The following TXNDC16 variants were observed in gnomAD, a reference collection of about 807,000 sequenced individuals.
The protein encoded by TXNDC16 is thioredoxin domain-containing protein 16.
TXNDC16 carries 74 observed loss-of-function variants against 85.6 expected under a neutral mutation model. The ratio of observed to expected loss-of-function variants is 0.86; its 90% CI spans 0.72 to 1.05. The LOEUF (loss-of-function observed/expected upper bound fraction) is 1.05, where lower values mean the gene tolerates loss of function less well. Ranked by LOEUF, TXNDC16 falls within the 50% of genes least tolerant of loss-of-function variation. TXNDC16 has a pLI of 0.00. For synonymous variants in TXNDC16, 335 were observed against 326.5 expected, an observed-to-expected ratio of 1.03 and a Z score of -0.28; for missense variants, 959 against 947.0, an observed-to-expected ratio of 1.01 and a Z score of -0.17.
chr14:52,448,573 T>C (rs2035337116), intron 18 of TXNDC16, among the ~76,000 whole-genome samples: 1 of 152,076 alleles, frequency 6.6e-6, no homozygotes, highest in Non-Finnish European at 1.5e-5. Context: ...AGGACACTAA[T>C]GAGCAATAAA....
rs764369521 is a variant in TXNDC16, at chr14:52,490,913, A to T, written c.849T>A (p.Tyr283Ter). Reference sequence around the variant, plus strand: ...ATTCTGCAGTTCTTCTATCAGCTTCATAAGTAGCCTGTTGGCTAACAATAA... The same window carrying T: ...ATTCTGCAGTTCTTCTATCAGCTTCTTAAGTAGCCTGTTGGCTAACAATAA... ...LVFIVSQQAT[Y>*]EADRRTAEWV... Residue 283 changes from tyrosine (Y) to a stop codon, truncating the protein, a stop_gained, in exon 10 of 21, where the codon TAT becomes TAA. Coordinates refer to ENST00000281741, the MANE Select transcript of TXNDC16 (RefSeq NM_020784.3). LOFTEE classifies it high-confidence loss of function. 2 of 1,613,750 alleles carry T rather than the reference A, an allele frequency of 1.2e-6. No homozygotes were observed. The highest frequency in any genetic ancestry group is 2.2e-5 in the East Asian group (1 of 44,834).
intron 9 of TXNDC16, among the ~76,000 whole-genome samples, chr14:52,503,515 G>C (rs986087509): frequency 6.6e-6 from 1 of 152,156 alleles, no homozygotes; most frequent in Non-Finnish European, 1.5e-5. Flanking sequence ...TGAGGGTCCT[G>C]ACTGTTAGAA....
At chr14:52,484,718 A>G (rs989231679) in intron 12 of TXNDC16, among the ~76,000 whole-genome samples, 4 of 152,102 alleles carry the variant, frequency 2.6e-5, no homozygotes, top group African/African-American at 9.7e-5. Flanking sequence ...CGTCTCTACT[A>G]AAAATACAAA....
intron 16 of TXNDC16, 59 bp from the exon 17 acceptor site, chr14:52,457,233 A>G (rs2140117146): frequency 1.1e-6 from 1 of 929,288 alleles, no homozygotes; most frequent in East Asian, 2.8e-5. Context: ...ATGCTATTCA[A>G]CTGATGAAGA....
At chr14:52,528,963 A>G (rs147100663) in intron 6 of TXNDC16, among the ~76,000 whole-genome samples, 1 of 147,686 alleles carries the variant, frequency 6.8e-6, no homozygotes, top group Non-Finnish European at 1.5e-5. Context: ...TATTATCTAT[A>G]TAATACCTAT....
chr14:52,444,120 C>A (rs1437873063), intron 18 of TXNDC16, among the ~76,000 whole-genome samples: 2 of 152,126 alleles, frequency 1.3e-5, no homozygotes, highest in African/African-American at 4.8e-5. Context: ...GTATAGACAA[C>A]AGTTTTGACT....
chr14:52,506,701 C>T (rs1334886050), intron 9 of TXNDC16, among the ~76,000 whole-genome samples: 8 of 143,418 alleles, frequency 5.6e-5, no homozygotes, highest in African/African-American at 7.9e-5. Context: ...GGACTACAGG[C>T]GCCCGCCACC....
chr14:52,485,991 A>G (rs2036259750), intron 12 of TXNDC16, among the ~76,000 whole-genome samples: 1 of 152,222 alleles, frequency 6.6e-6, no homozygotes, highest in Non-Finnish European at 1.5e-5. Flanking sequence ...GTGAAGCATG[A>G]GAGTTGCACT....
rs762531450 is a variant in TXNDC16, at chr14:52,432,351, T to A, written c.2431A>T (p.Lys811Ter). Residue 811 changes from lysine (K) to a stop codon, truncating the protein, a stop_gained, in exon 21 of 21, where the codon AAA becomes TAA. Coordinates refer to ENST00000281741, the MANE Select transcript of TXNDC16 (RefSeq NM_020784.3). LOFTEE classifies it high-confidence loss of function. Reference protein sequence around the residue: ...NRSNWFKEAEKSFRRDKELGC... With the variant: ...NRSNWFKEAE Reference sequence around the variant, plus strand: ...AACTCTTTATCACGTCTAAATGATTTTTCTGCTTCTTTAAACCAATTACTT... The same window carrying A: ...AACTCTTTATCACGTCTAAATGATTATTCTGCTTCTTTAAACCAATTACTT... The A allele has an allele frequency of 5.0e-6, 8 of 1,613,608 alleles. No homozygotes were observed. The East Asian group carries it at 1.8e-4, about 36-fold the overall frequency.
chr14:52,549,581 A>G (rs1594771637), intron 1 of TXNDC16, among the ~76,000 whole-genome samples: 1 of 150,266 alleles, frequency 6.7e-6, no homozygotes, highest in East Asian at 2.0e-4. Context: ...CACTAATCCC[A>G]TTTTGGTATA....
At chr14:52,460,009 C>T (rs996330412) in intron 16 of TXNDC16, among the ~76,000 whole-genome samples, 13 of 152,216 alleles carry the variant, frequency 8.5e-5, no homozygotes, top group Admixed American at 5.9e-4. Context: ...GACAAGGACA[C>T]CCTCTTTCAC....
intron 20 of TXNDC16, among the ~76,000 whole-genome samples, chr14:52,432,841 G>A (rs959000381): frequency 1.3e-5 from 2 of 151,934 alleles, no homozygotes; most frequent in African/African-American, 4.8e-5. Flanking sequence ...AGTATGAATA[G>A]GGGAAAAAAG....
chr14:52,473,898 T>TATA (rs35642068), intron 14 of TXNDC16, among the ~76,000 whole-genome samples: 77,409 of 151,700 alleles, frequency 0.51, 20,668 homozygotes, highest in East Asian at 0.7. Flanking sequence ...CCCAAGGTAT[T>TATA]ATATTTTCCT....
chr14:52,513,671 CATATATATACA>C (rs1228251715), intron 8 of TXNDC16, among the ~76,000 whole-genome samples: 1 of 145,026 alleles, frequency 6.9e-6, no homozygotes, highest in East Asian at 2.0e-4. Flanking sequence ...TGTGTATATA[CATATATATACA>C]GTATATATAC....
At chr14:52,455,597 T>G in intron 17 of TXNDC16, 135 bp from the exon 18 acceptor site, 1 of 920,908 alleles carries the variant, frequency 1.1e-6, no homozygotes, top group Admixed American at 2.7e-5. Flanking sequence ...GAACTCCATT[T>G]CCAGGCAAAC....
At position 52,459,507 on chromosome 14, in the gene TXNDC16, G is replaced by A. The variant is rs113658461; in HGVS notation, c.1619-2333C>T. ...TCTACCAGACATACAAAGAAGAGCT[G>A]ATACCATTCCTATTGAAACTATTCC... On this transcript the variant is annotated intron_variant, in intron 16 of 20. Transcript: ENST00000281741. 4.6e-4 allele frequency among the ~76,000 whole-genome samples: 70 copies of A among 152,316 alleles called. 1 individual carries two copies. The highest frequency in any genetic ancestry group is 1.6e-3 in the African/African-American group (66 of 41,570).
chr14:52,521,463 G>C (rs1466284935), intron 6 of TXNDC16, among the ~76,000 whole-genome samples: 1 of 152,032 alleles, frequency 6.6e-6, no homozygotes, highest in East Asian at 1.9e-4. Context: ...GGACTAAATA[G>C]AAGACAGCTG....
At chr14:52,494,815 T>C (rs2036494198) in intron 9 of TXNDC16, among the ~76,000 whole-genome samples, 1 of 152,238 alleles carries the variant, frequency 6.6e-6, no homozygotes, top group African/African-American at 2.4e-5. Flanking sequence ...CAGGAAGATG[T>C]AGGAATTAAG....
chr14:52,507,684 C>G (rs2036845215), intron 9 of TXNDC16, among the ~76,000 whole-genome samples: 1 of 152,086 alleles, frequency 6.6e-6, no homozygotes, highest in South Asian at 2.1e-4. Context: ...CTACAGTAAC[C>G]AAAACAGCAT....
Sources: allele counts gnomAD v4.1 joint callset (sites outside exome capture counted in the v4.1 genomes callset), GRCh38; gene constraint gnomAD v4.1.1; transcripts MANE v1.5; gene names NCBI Gene and HGNC (gene_info 2026-07-23, HGNC 2026-07-21).